ST8SIA5: variants seen among roughly 807,000 people sequenced by gnomAD.
The protein encoded by ST8SIA5 is alpha-2,8-sialyltransferase 8E.
A neutral mutation model predicts 40.2 loss-of-function variants in ST8SIA5; 24 were observed. That is an observed-to-expected ratio of 0.60 (90% CI 0.43 to 0.84). The LOEUF (loss-of-function observed/expected upper bound fraction) is 0.84, where lower values mean the gene tolerates loss of function less well. Among genes scored for constraint, ST8SIA5 ranks in the 40% least tolerant of loss-of-function variants. The probability of loss-of-function intolerance (pLI) is 0.00; values close to 1 mark genes in which losing one functional copy is unlikely to be tolerated. For synonymous variants in ST8SIA5, 198 were observed against 201.8 expected (o/e 0.98, Z 0.16); for missense variants, 465 against 498.5 (o/e 0.93, Z 0.64).
intron 1 of ST8SIA5, among the ~76,000 whole-genome samples, chr18:46,744,840 A>G (rs2040123031): frequency 6.6e-6 from 1 of 152,222 alleles, no homozygotes; most frequent in African/African-American, 2.4e-5. Context: ...GCAAATGTAA[A>G]AGAACAGAAA....
chr18:46,687,817 T>C (rs1299707393), intron 4 of ST8SIA5, among the ~76,000 whole-genome samples: 1 of 152,236 alleles, frequency 6.6e-6, no homozygotes, highest in Non-Finnish European at 1.5e-5. Flanking sequence ...AGAATTTCTA[T>C]AAACTACATT....
intron 1 of ST8SIA5, among the ~76,000 whole-genome samples, chr18:46,712,817 C>T (rs1767119734): frequency 3.3e-5 from 5 of 152,056 alleles, no homozygotes; most frequent in Admixed American, 1.3e-4. Context: ...GCCACATAGC[C>T]ATAACTCTTC....
At chr18:46,725,417 C>T (rs1330969627) in intron 1 of ST8SIA5, among the ~76,000 whole-genome samples, 1 of 152,160 alleles carries the variant, frequency 6.6e-6, no homozygotes, top group African/African-American at 2.4e-5. Flanking sequence ...TGTCATCCTC[C>T]TACCCATGGT....
At chr18:46,710,907 A>G (rs192939801) in intron 1 of ST8SIA5, among the ~76,000 whole-genome samples, 1 of 152,182 alleles carries the variant, frequency 6.6e-6, no homozygotes, top group Non-Finnish European at 1.5e-5. Flanking sequence ...CCACCCCCAG[A>G]CACTGATGGT....
chr18:46,710,902 C>T (rs993183825), intron 1 of ST8SIA5, among the ~76,000 whole-genome samples: 5 of 152,160 alleles, frequency 3.3e-5, no homozygotes, highest in African/African-American at 1.2e-4. Context: ...CATCCCCACC[C>T]CCAGACACTG....
chr18:46,677,236 T>C lies in ST8SIA5; in HGVS notation c.*2806A>G, dbSNP rs1599092713. On this transcript the variant is annotated 3_prime_UTR_variant, in exon 7 of 7. Coordinates refer to ENST00000315087, the MANE Select transcript of ST8SIA5 (RefSeq NM_013305.6). ...AGGATCCCTCATGTTCTGGTGTCAC[T>C]GTCTGGGAAGCTAAGACAGAGGTTT... The C allele has an allele frequency of 6.6e-6, 1 of 152,108 alleles. No individual in the cohort carries two copies. The highest frequency in any genetic ancestry group is 1.9e-4 in the East Asian group (1 of 5,176). 9.4% of individuals were successfully genotyped at this position (152,108 alleles called of 1,614,324 possible).
At chr18:46,745,331 A>G (rs2040128437) in intron 1 of ST8SIA5, among the ~76,000 whole-genome samples, 1 of 152,202 alleles carries the variant, frequency 6.6e-6, no homozygotes, top group Admixed American at 6.5e-5. Context: ...AAACCAATAA[A>G]GAAAAAAAAG....
At chr18:46,702,529 C>T (rs115378082) in intron 2 of ST8SIA5, among the ~76,000 whole-genome samples, 2 of 152,206 alleles carry the variant, frequency 1.3e-5, no homozygotes, top group African/African-American at 4.8e-5. Context: ...CGCCGGCATT[C>T]GAGCTGCCCC....
At chr18:46,703,920 G>C (rs548752499) in intron 2 of ST8SIA5, among the ~76,000 whole-genome samples, 38 of 152,260 alleles carry the variant, frequency 2.5e-4, no homozygotes, top group Admixed American at 1.2e-3. Context: ...CCTGTGGGTT[G>C]AAAAGAGCTA....
rs1426200273 is a variant in ST8SIA5 at position 46,678,867 on chromosome 18, T to C, written c.*1175A>G. The C allele has an allele frequency of 6.6e-6, 1 of 152,304 alleles. No homozygotes were observed. The highest frequency in any genetic ancestry group is 1.9e-4 in the East Asian group (1 of 5,196). 9.4% of individuals were successfully genotyped at this position (152,304 alleles called of 1,614,324 possible). ...ACACCACAGGGAGAAGCAAAGGGAA[T>C]TAATTTCAGATGTGAAATGATATGT... On this transcript the variant is annotated 3_prime_UTR_variant, in exon 7 of 7. Coordinates refer to ENST00000315087, the MANE Select transcript of ST8SIA5 (RefSeq NM_013305.6).
At chr18:46,684,205 G>A (rs1177431496) in intron 5 of ST8SIA5, among the ~76,000 whole-genome samples, 1 of 152,060 alleles carries the variant, frequency 6.6e-6, no homozygotes, top group Non-Finnish European at 1.5e-5. Context: ...CCCTCCGAGG[G>A]AGACATTTAC....
chr18:46,714,135 C>T (rs2039761691), intron 1 of ST8SIA5, among the ~76,000 whole-genome samples: 2 of 152,064 alleles, frequency 1.3e-5, no homozygotes, highest in South Asian at 4.2e-4. Flanking sequence ...AGGATGGCCT[C>T]TTTGGGAGCT....
At chr18:46,722,842 A>ATC (rs2039876751) in intron 1 of ST8SIA5, 1 of 152,250 alleles carries the variant, frequency 6.6e-6, no homozygotes, top group Non-Finnish European at 1.5e-5. Flanking sequence ...CCTTCTAGTG[A>ATC]CTGGCTGGCC....
rs2040254204 is a variant in ST8SIA5 at position 46,756,764 on chromosome 18, C to CG, written c.-257dup. 2.3e-6 allele frequency: 1 copy of CG among 432,770 alleles called. No homozygotes were observed. The highest frequency in any genetic ancestry group is 4.5e-5 in the Admixed American group (1 of 21,988). 26.8% of individuals were successfully genotyped at this position (432,770 alleles called of 1,614,324 possible). A position where few individuals can be genotyped will look rare whatever the true frequency, so the allele number is the denominator to read the frequency against. On this transcript the variant is annotated 5_prime_UTR_variant, in exon 1 of 7. Coordinates refer to ENST00000315087, the MANE Select transcript of ST8SIA5 (RefSeq NM_013305.6). ...CGCGGCCAGGGGCCTTCCCCACCCC[C>CG]GGGTACCTTTACCTCCAGGCGCCGG...
chr18:46,747,285 C>A (rs1221791918), intron 1 of ST8SIA5, among the ~76,000 whole-genome samples: 1 of 152,178 alleles, frequency 6.6e-6, no homozygotes, highest in Non-Finnish European at 1.5e-5. Context: ...GAACAAGCAA[C>A]CTACAGAATG....
chr18:46,732,352 G>A (rs2039993295), intron 1 of ST8SIA5, among the ~76,000 whole-genome samples: 1 of 152,346 alleles, frequency 6.6e-6, no homozygotes, highest in South Asian at 2.1e-4. Context: ...CTGACTCCCA[G>A]TTCAGGCCTC....
rs2144444121 is a variant in ST8SIA5 at position 46,673,754 on chromosome 18, A to T, written c.*6288T>A. The T allele has an allele frequency of 6.6e-6, 1 of 152,224 alleles. No homozygotes were observed. Among genetic ancestry groups the T allele is most frequent in the African/African-American group, 2.4e-5 (1 of 41,532 alleles). The allele number at this position is 152,224 out of a possible 1,614,324, so 9.4% of individuals were successfully genotyped here. ...TAGATCTATCCAGTCTACCCTTTGA[A>T]GATCACACTGGTTTATTAGGATGCC... On this transcript the variant is annotated 3_prime_UTR_variant, in exon 7 of 7. Transcript: ENST00000315087.
intron 1 of ST8SIA5, among the ~76,000 whole-genome samples, chr18:46,754,303 C>A (rs1392136396): frequency 6.6e-6 from 1 of 152,074 alleles, no homozygotes; most frequent in Non-Finnish European, 1.5e-5. Context: ...CCTGCCCCCA[C>A]CCTCAAATCT....
At position 46,680,432 on chromosome 18, in the gene ST8SIA5, A is replaced by G; in HGVS notation, c.741T>C (p.Pro247=). 2 of 1,612,682 alleles carry G rather than the reference A, an allele frequency of 1.2e-6. No homozygotes were observed. Among genetic ancestry groups the G allele is most frequent in the Non-Finnish European group, 1.7e-6 (2 of 1,179,268 alleles). The change falls in exon 7 of 7, where the codon CCT becomes CCC. Residue 247 remains proline, a synonymous_variant. Coordinates refer to ENST00000315087, the MANE Select transcript of ST8SIA5 (RefSeq NM_013305.6). ...CGGTGTTGCGCGTGTTGTAGAAGGC[A>G]GGCAGCAGCACCGACGCGTTCTCGT... ...QVYENASVLL[P]AFYNTRNTDV... is the part of the protein sequence containing the mutation.
Sources: allele counts gnomAD v4.1 joint callset (sites outside exome capture counted in the v4.1 genomes callset), GRCh38; gene constraint gnomAD v4.1.1; transcripts MANE v1.5; gene names NCBI Gene and HGNC (gene_info 2026-07-23, HGNC 2026-07-21).